MTF1: variants seen among roughly 807,000 people sequenced by gnomAD.
The protein encoded by MTF1 is metal regulatory transcription factor 1, also known as MRE-binding transcription factor.
A neutral mutation model predicts 70.4 loss-of-function variants in MTF1; 22 were observed. The ratio of observed to expected loss-of-function variants is 0.31; its 90% confidence interval spans 0.22 to 0.45. The LOEUF (loss-of-function observed/expected upper bound fraction) is 0.45, where lower values mean the gene tolerates loss of function less well. Ranked by LOEUF, MTF1 falls within the 20% of genes least tolerant of loss-of-function variation. MTF1 has a pLI of 1.00. For synonymous variants in MTF1, 333 were observed against 352.8 expected (o/e 0.94, Z 0.63); for missense variants, 649 against 922.0 (o/e 0.70, Z 3.83).
intron 6 of MTF1, among the ~76,000 whole-genome samples, chr1:37,834,055 C>T (rs1359083225): frequency 2.0e-5 from 3 of 151,876 alleles, no homozygotes. Flanking sequence ...GTGAAGACCA[C>T]ATCTCTACTA....
chr1:37,844,812 G>A (rs532728930), intron 2 of MTF1, among the ~76,000 whole-genome samples: 1 of 152,204 alleles, frequency 6.6e-6, no homozygotes, highest in East Asian at 1.9e-4. Context: ...TCCACTAAAT[G>A]ACCCTTCCTC....
intron 2 of MTF1, among the ~76,000 whole-genome samples, chr1:37,845,723 C>T (rs1241209717): frequency 1.3e-5 from 2 of 152,020 alleles, no homozygotes; most frequent in Non-Finnish European, 2.9e-5. Flanking sequence ...CCAGGCTGGT[C>T]GGGAACTCCT....
intron 9 of MTF1, among the ~76,000 whole-genome samples, chr1:37,817,826 C>G (rs1640842650): frequency 6.6e-6 from 1 of 152,222 alleles, no homozygotes; most frequent in East Asian, 1.9e-4. Flanking sequence ...TTCCTTCAGG[C>G]TCTCCACATT....
At chr1:37,837,905 T>C (rs1171211894) in intron 4 of MTF1, among the ~76,000 whole-genome samples, 1 of 152,220 alleles carries the variant, frequency 6.6e-6, no homozygotes, top group African/African-American at 2.4e-5. Context: ...AAATGTCATA[T>C]AATCATCCCA....
chr1:37,850,982 T>G (rs1641410725), intron 2 of MTF1, among the ~76,000 whole-genome samples: 1 of 149,410 alleles, frequency 6.7e-6, no homozygotes, highest in African/African-American at 2.5e-5. Context: ...GGAAAAGGAG[T>G]AAGGAAGAGC....
At chr1:37,825,037 T>C (rs1343760895) in intron 7 of MTF1, among the ~76,000 whole-genome samples, 1 of 152,098 alleles carries the variant, frequency 6.6e-6, no homozygotes, top group Non-Finnish European at 1.5e-5. Context: ...AATCCACCTC[T>C]ACCCCTACAG....
intron 7 of MTF1, chr1:37,826,482 T>G: frequency 2.3e-6 from 1 of 426,722 alleles, no homozygotes; most frequent in Non-Finnish European, 4.6e-6. Flanking sequence ...GATAAGGTCC[T>G]GCTACGTTGC....
At chr1:37,830,444 A>G (rs1319552984) in intron 7 of MTF1, among the ~76,000 whole-genome samples, 1 of 152,128 alleles carries the variant, frequency 6.6e-6, no homozygotes, top group Non-Finnish European at 1.5e-5. Context: ...TATTTGTTCA[A>G]TCATTACAAG....
chr1:37,829,460 A>T (rs973796719), intron 7 of MTF1, among the ~76,000 whole-genome samples: 1 of 149,972 alleles, frequency 6.7e-6, no homozygotes, highest in Non-Finnish European at 1.5e-5. Context: ...GCCACTGCAC[A>T]TGTCCCTAAT....
rs1375854255 is a variant in MTF1 at position 37,815,993 on chromosome 1, C to A, written c.1832-427G>T. Among the ~76,000 whole-genome samples, 1 of 152,206 alleles carries A rather than the reference C, an allele frequency of 6.6e-6. No homozygotes were observed. Among genetic ancestry groups the A allele is most frequent in the Non-Finnish European group, 1.5e-5 (1 of 68,040 alleles). On this transcript the variant is annotated intron_variant, in intron 10 of 10. Transcript: ENST00000373036. This position sits in a 1 kb window ranked among gnomAD's most constrained non-coding sequence, Gnocchi z 4.5. The stretch of plus-strand genomic sequence containing the variant: ...TCAAGACCTAGCTCACTCCCCCACT[C>A]TCTGTAGGCCTATGCAGAGGACTAG...
rs748746340 is a variant in MTF1, at chr1:37,814,827, T to G, written c.*309A>C. The G allele has an allele frequency of 3.4e-6, 1 of 291,624 alleles. No homozygotes were observed. Among genetic ancestry groups the G allele is most frequent in the Admixed American group, 4.8e-5 (1 of 20,932 alleles). The allele number at this position is 291,624 out of a possible 1,614,324, so 18.1% of individuals were successfully genotyped here. ...AAACCACACCCTTTCATTTAGAATT[T>G]TTATGCACACGAGTAACCTTAGTTT... On this transcript the variant is annotated 3_prime_UTR_variant, in exon 11 of 11. Transcript: ENST00000373036.
chr1:37,835,805 TC>T, intron 4 of MTF1, 61 bp from the exon 5 acceptor site: 5 of 1,322,522 alleles, frequency 3.8e-6, no homozygotes, highest in Admixed American at 1.8e-5. Context: ...ATCCTGAACG[TC>T]TTTTTTTTTT....
intron 2 of MTF1, among the ~76,000 whole-genome samples, chr1:37,852,804 T>C (rs1468284797): frequency 6.6e-6 from 1 of 152,120 alleles, no homozygotes; most frequent in East Asian, 1.9e-4. Context: ...CTAATTTTTG[T>C]ATTTTTAGTA....
Position 37,850,936 on chromosome 1 carries a change from A to C in MTF1, c.408+6315T>G, listed in dbSNP as rs966949782. On this transcript the variant is annotated intron_variant, in intron 2 of 10. Coordinates refer to ENST00000373036, the MANE Select transcript of MTF1 (RefSeq NM_005955.3). ...AGTAACACCTGTGCATGGAGGGAAAAGAAAAAACCAAAAACCAAGCTGAAA... is the reference window on the plus strand; with the variant it reads ...AGTAACACCTGTGCATGGAGGGAAACGAAAAAACCAAAAACCAAGCTGAAA... Among the ~76,000 whole-genome samples the C allele has an allele frequency of 2.6e-4, 39 of 152,150 alleles. 1 individual carries two copies. The highest frequency in any genetic ancestry group is 8.8e-5 in the Non-Finnish European group (6 of 68,026).
In MTF1 at chr1:37,815,130, G is replaced by A. The variant is rs201679369; in HGVS notation, c.*6C>T. The A allele has an allele frequency of 3.5e-5, 56 of 1,613,482 alleles. No individual in the cohort carries two copies. In the East Asian group the frequency reaches 1.2e-3, roughly 34 times the overall value. On this transcript the variant is annotated 3_prime_UTR_variant, in exon 11 of 11. Coordinates refer to ENST00000373036, the MANE Select transcript of MTF1 (RefSeq NM_005955.3). This position sits in a 1 kb window ranked among gnomAD's most constrained non-coding sequence, Gnocchi z 4.5. The stretch of plus-strand genomic sequence containing the variant: ...CTTTTCCCAGAGGTGAGCACACATG[G>A]GCCCTTCACTTGGAGAAGCTGCTGG...
chr1:37,846,603 C>G (rs926683567), intron 2 of MTF1, among the ~76,000 whole-genome samples: 4 of 152,064 alleles, frequency 2.6e-5, no homozygotes, highest in African/African-American at 9.7e-5. Flanking sequence ...ACAAAGTGTT[C>G]TGAGCAGTTC....
rs116401303 is a variant in MTF1 at position 37,858,015 on chromosome 1, T to A, written c.-51-306A>T. ...AACATAGTGAGACCCCCATCTCTAA[T>A]AAAAAAAAAAAAAAAAGAAAAAGAA... is the stretch of plus-strand genomic sequence containing the variant. On this transcript the variant is annotated intron_variant, in intron 1 of 10. Coordinates refer to ENST00000373036, the MANE Select transcript of MTF1 (RefSeq NM_005955.3). Among the ~76,000 whole-genome samples, 1,009 of 123,386 alleles carry A rather than the reference T, an allele frequency of 8.2e-3. No individual in the cohort carries two copies. Among genetic ancestry groups the A allele is most frequent in the African/African-American group, 9.3e-3 (280 of 30,042 alleles). 80.9% of individuals were successfully genotyped at this position (123,386 alleles called of 152,430 possible). A position where few individuals can be genotyped will look rare whatever the true frequency, so the allele number is the denominator to read the frequency against.
intron 7 of MTF1, among the ~76,000 whole-genome samples, chr1:37,824,620 C>A (rs146847836): frequency 0.015 from 2,343 of 152,264 alleles, 28 homozygotes; most frequent in Non-Finnish European, 0.02. Flanking sequence ...ATTGCTTGAA[C>A]CTGGGAGGCG....
intron 7 of MTF1, among the ~76,000 whole-genome samples, chr1:37,824,393 T>G (rs1036255201): frequency 1.3e-5 from 2 of 152,136 alleles, no homozygotes; most frequent in Non-Finnish European, 2.9e-5. Flanking sequence ...AGACCAAATC[T>G]TACATTAAAA....
Sources: allele counts gnomAD v4.1 joint callset (sites outside exome capture counted in the v4.1 genomes callset), GRCh38; gene constraint gnomAD v4.1.1; non-coding constraint Gnocchi (gnomAD v3.1); transcripts MANE v1.5; gene names NCBI Gene and HGNC (gene_info 2026-07-23, HGNC 2026-07-21).